The following SGK1 variants were observed in gnomAD, a reference collection of about 807,000 sequenced individuals.
The protein encoded by SGK1 is serine/threonine-protein kinase Sgk1.
Under a neutral mutation model 64.2 loss-of-function variants are expected in SGK1, and 26 were observed. That is an observed-to-expected ratio of 0.40 (90% CI 0.30 to 0.56). The LOEUF (loss-of-function observed/expected upper bound fraction) is 0.56, where lower values mean the gene tolerates loss of function less well. Among genes scored for constraint, SGK1 ranks in the 20% least tolerant of loss-of-function variants. The pLI, the probability that SGK1 is intolerant of heterozygous loss-of-function variation, is 0.38. For missense variants in SGK1, 519 were observed against 645.6 expected, an observed-to-expected ratio of 0.80 and a Z score of 2.12; for synonymous variants, 265 against 239.7, an observed-to-expected ratio of 1.11 and a Z score of -0.98.
chr6:134,236,369 G>T (rs912492959), intron 2 of SGK1, among the ~76,000 whole-genome samples: 2 of 152,106 alleles, frequency 1.3e-5, no homozygotes, highest in Admixed American at 6.6e-5. Context: ...GGTAGATCAC[G>T]CCTGTAAGCA....
intron 2 of SGK1, among the ~76,000 whole-genome samples, chr6:134,232,473 A>AAGAAAGAG (rs1554222981): frequency 3.1e-5 from 3 of 96,106 alleles, no homozygotes; most frequent in Non-Finnish European, 6.0e-5. Context: ...GAAAGAAAGA[A>AAGAAAGAG]AGAAAGAAAG....
chr6:134,170,785 C>G lies in SGK1; in HGVS notation c.1413+41G>C, dbSNP rs1033739811. Reference sequence around the variant, plus strand: ...ACAATTCTGAATTAAAATAAATGCCCTTTGGGCTTCTCTATACTTAGAAGA... The same window carrying G: ...ACAATTCTGAATTAAAATAAATGCCGTTTGGGCTTCTCTATACTTAGAAGA... On this transcript the variant is annotated intron_variant, in intron 13 of 13. Transcript: ENST00000367858. The G allele has an allele frequency of 2.3e-6, 3 of 1,292,320 alleles. No homozygotes were observed. The African/African-American group carries it at 4.4e-5, about 19-fold the overall frequency. The allele number at this position is 1,292,320 out of a possible 1,614,324, so 80.1% of individuals were successfully genotyped here.
intron 1 of SGK1, among the ~76,000 whole-genome samples, chr6:134,312,630 C>G (rs964473410): frequency 6.6e-6 from 1 of 152,192 alleles, no homozygotes; most frequent in Non-Finnish European, 1.5e-5. Context: ...ACTCTGGAGC[C>G]TGGTGCTGGG....
At chr6:134,292,284 G>A (rs906956588) in intron 1 of SGK1, among the ~76,000 whole-genome samples, 2 of 152,102 alleles carry the variant, frequency 1.3e-5, no homozygotes, top group African/African-American at 4.8e-5. Context: ...TGCACAAATG[G>A]AATTTGTTTT....
intron 2 of SGK1, among the ~76,000 whole-genome samples, chr6:134,235,541 T>TTTATTTATTTATTTA (rs139727119): frequency 8.7e-5 from 8 of 92,122 alleles, no homozygotes; most frequent in Admixed American, 3.4e-4. Context: ...AAATAGATAT[T>TTTATTTATTTATTTA]TTTATTTATT....
chr6:134,257,119 T>G (rs529181772), intron 2 of SGK1: 12 of 152,502 alleles, frequency 7.9e-5, no homozygotes, highest in African/African-American at 2.6e-4. Context: ...GGGAGACTGT[T>G]TGGGAATACC....
rs547409663 is a variant in SGK1, at chr6:134,292,673, AC to A, written c.69+24718del. Among the ~76,000 whole-genome samples the A allele has an allele frequency of 3.9e-5, 6 of 152,338 alleles. No individual in the cohort carries two copies. The East Asian group carries it at 1.2e-3, about 29-fold the overall frequency. ...TTTACAAACATTAGATTAAGTAGAT[AC>A]AGAAAAGTGAGAGAAAAAGATGAAA... On this transcript the variant is annotated intron_variant, in intron 1 of 13. Transcript: ENST00000367858.
intron 2 of SGK1, among the ~76,000 whole-genome samples, chr6:134,252,847 A>C (rs1776626316): frequency 6.6e-6 from 1 of 152,130 alleles, no homozygotes; most frequent in Non-Finnish European, 1.5e-5. Context: ...AAGAGCAAAA[A>C]ACTGGGAGAA....
intron 1 of SGK1, among the ~76,000 whole-genome samples, chr6:134,313,281 G>A (rs752011835): frequency 3.3e-5 from 5 of 152,096 alleles, no homozygotes; most frequent in Non-Finnish European, 5.9e-5. Flanking sequence ...ACTTTGGGAC[G>A]CTCCCTTGAG....
intron 3 of SGK1, among the ~76,000 whole-genome samples, chr6:134,206,337 T>TTTTA (rs1562250098): frequency 9.0e-6 from 1 of 111,458 alleles, no homozygotes; most frequent in African/African-American, 3.7e-5. Context: ...CTGTACCTGA[T>TTTTA]GATATATATA....
Position 134,174,143 on chromosome 6 carries a change from A to C in SGK1, c.438-63T>G, listed in dbSNP as rs1775130880. 4.1e-6 allele frequency: 5 copies of C among 1,226,912 alleles called. No homozygotes were observed. In the East Asian group the frequency reaches 1.2e-4, roughly 29 times the overall value. 76.0% of individuals were successfully genotyped at this position (1,226,912 alleles called of 1,614,324 possible). ...GCCACTAGGGGGCACACCAACATCAAAAGTGAGTTTCTGGCTCTACCGACT... is the reference window on the plus strand; with the variant it reads ...GCCACTAGGGGGCACACCAACATCACAAGTGAGTTTCTGGCTCTACCGACT... On this transcript the variant is annotated intron_variant, in intron 4 of 13. Transcript: ENST00000367858.
intron 3 of SGK1, among the ~76,000 whole-genome samples, chr6:134,202,041 A>C (rs989978185): frequency 1.3e-5 from 2 of 152,186 alleles, no homozygotes; most frequent in Non-Finnish European, 2.9e-5. Context: ...TACTCTAGGC[A>C]CATCATAGTC....
chr6:134,256,318 C>T (rs1776683244), intron 2 of SGK1, among the ~76,000 whole-genome samples: 2 of 152,202 alleles, frequency 1.3e-5, no homozygotes, highest in Non-Finnish European at 2.9e-5. Context: ...CTTATCTACA[C>T]AATGGTATAC....
At chr6:134,183,851 CCA>C (rs1775375089) in intron 3 of SGK1, among the ~76,000 whole-genome samples, 1 of 136,532 alleles carries the variant, frequency 7.3e-6, no homozygotes, top group Non-Finnish European at 1.6e-5. Context: ...TGTCCCCACC[CCA>C]CCCCCACCCC....
At position 134,270,207 on chromosome 6, in the gene SGK1, C is replaced by T. The variant is rs753891596; in HGVS notation, c.70-8059G>A. On this transcript the variant is annotated intron_variant, in intron 1 of 13. Coordinates refer to ENST00000367858, the MANE Select transcript of SGK1 (RefSeq NM_001143676.3). ...ATCCCAAGCCTGTTGGGATTACAGG[C>T]GTGAGCCACCGCACCAGGCCTATTA... 4.1e-5 allele frequency among the ~76,000 whole-genome samples: 6 copies of T among 147,978 alleles called. 1 individual carries two copies. The highest frequency in any genetic ancestry group is 7.5e-5 in the Non-Finnish European group (5 of 66,772).
chr6:134,235,826 C>T (rs1419886490), intron 2 of SGK1, among the ~76,000 whole-genome samples: 4 of 152,090 alleles, frequency 2.6e-5, no homozygotes, highest in African/African-American at 4.8e-5. Context: ...CCTCTCTCCT[C>T]GGTCTCCCAA....
chr6:134,232,126 C>T (rs966166466), intron 2 of SGK1, among the ~76,000 whole-genome samples: 13 of 151,572 alleles, frequency 8.6e-5, no homozygotes, highest in African/African-American at 2.9e-4. Flanking sequence ...CGGTGGCTCA[C>T]GCCTATAATC....
intron 1 of SGK1, among the ~76,000 whole-genome samples, chr6:134,265,676 G>C (rs1776844261): frequency 6.8e-6 from 1 of 147,100 alleles, no homozygotes; most frequent in Non-Finnish European, 1.5e-5. Context: ...AAGTAGGAGA[G>C]TTAAGAGGCA....
intron 2 of SGK1, among the ~76,000 whole-genome samples, chr6:134,213,897 T>C (rs1156533632): frequency 2.6e-5 from 4 of 152,120 alleles, no homozygotes; most frequent in African/African-American, 9.7e-5. Flanking sequence ...TTTTAAAATA[T>C]TTTATTATAG....
Sources: gnomAD v4.1 joint callset for allele counts (sites outside exome capture counted in the v4.1 genomes callset) on GRCh38, gnomAD v4.1.1 for gene constraint, MANE v1.5 for transcripts, NCBI Gene and HGNC (gene_info 2026-07-23, HGNC 2026-07-21) for gene names.